Variants in RHOBTB3 observed in about 807,000 individuals in gnomAD.
RHOBTB3 encodes Rho related BTB domain containing 3.
A neutral mutation model predicts 67.2 loss-of-function variants in RHOBTB3; 47 were observed. The observed-to-expected ratio is 0.70, with a 90% CI of 0.55 to 0.89. The LOEUF (loss-of-function observed/expected upper bound fraction) is 0.89, where lower values mean the gene tolerates loss of function less well. Ranked by LOEUF, RHOBTB3 falls within the 40% of genes least tolerant of loss-of-function variation. RHOBTB3 has a pLI of 0.00. For synonymous variants in RHOBTB3, 273 were observed against 274.2 expected (o/e 1.00, Z 0.04); for missense variants, 631 against 750.0 (o/e 0.84, Z 1.85).
rs2112766175 is a variant in RHOBTB3, at chr5:95,731,541, C to T, written c.-142C>T. The T allele has an allele frequency of 4.2e-6, 6 of 1,414,230 alleles. No individual in the cohort carries two copies. Among genetic ancestry groups the T allele is most frequent in the South Asian group, 3.1e-5 (2 of 64,708 alleles). The allele number at this position is 1,414,230 out of a possible 1,614,324, so 87.6% of individuals were successfully genotyped here. A position where few individuals can be genotyped will look rare whatever the true frequency, so the allele number is the denominator to read the frequency against. The stretch of plus-strand genomic sequence containing the variant: ...GCGCGGCCCCGGCCCCGCTCTGCGT[C>T]GGCCCCGCCGCGGTGGAGGCGCGCG... On this transcript the variant is annotated 5_prime_UTR_variant, in exon 1 of 12. Transcript: ENST00000379982.
chr5:95,766,429 C>A (rs1321889615), intron 7 of RHOBTB3, among the ~76,000 whole-genome samples: 2 of 151,746 alleles, frequency 1.3e-5, no homozygotes, highest in Non-Finnish European at 2.9e-5. Flanking sequence ...CAATAAAAAT[C>A]ATAACTAAGT....
Position 95,768,038 on chromosome 5 carries a change from C to T in RHOBTB3, c.1162-8C>T, listed in dbSNP as rs370930103. The T allele has an allele frequency of 4.3e-6, 7 of 1,611,630 alleles. No individual in the cohort carries two copies. The African/African-American group carries it at 9.4e-5, about 22-fold the overall frequency. ...AACCTTTCCCTGTATTTTTGTTTTC[C>T]CTTATAGATTAATTGCCTAAGGAAT... On this transcript the variant is annotated splice_polypyrimidine_tract_variant and splice_region_variant and intron_variant, in intron 7 of 11. Coordinates refer to ENST00000379982, the MANE Select transcript of RHOBTB3 (RefSeq NM_014899.4).
chr5:95,753,775 C>A (rs938474926), intron 5 of RHOBTB3, among the ~76,000 whole-genome samples: 3 of 152,112 alleles, frequency 2.0e-5, no homozygotes, highest in African/African-American at 7.2e-5. Context: ...TATACCAGAT[C>A]CTCAGAGAAA....
In RHOBTB3 at chr5:95,755,739, C is replaced by T. The variant is rs773493852; in HGVS notation, c.1026C>T (p.Asp342=). ...CCCTCTTCTGTTCTTGTTTATCAGA[C>T]ATCCTTCGCTTCATTTATTCAGGTA... ...KDALFCSCLS[D]ILRFIYSGAF... Residue 342 remains aspartate, a synonymous_variant, in exon 6 of 12, where the codon GAC becomes GAT. Coordinates refer to ENST00000379982, the MANE Select transcript of RHOBTB3 (RefSeq NM_014899.4). 1.2e-6 allele frequency: 2 copies of T among 1,613,738 alleles called. No homozygotes were observed. The highest frequency in any genetic ancestry group is 4.5e-5 in the East Asian group (2 of 44,880).
intron 11 of RHOBTB3, among the ~76,000 whole-genome samples, chr5:95,790,376 C>G (rs1746346246): frequency 6.6e-6 from 1 of 152,160 alleles, no homozygotes; most frequent in Non-Finnish European, 1.5e-5. Flanking sequence ...ATTATGTTAC[C>G]TGAGGTCACT....
intron 8 of RHOBTB3, chr5:95,770,541 T>C (rs1323772985): frequency 2.6e-6 from 1 of 381,928 alleles, no homozygotes. Context: ...TTTGTGAATA[T>C]GGTGGAAGAG....
At chr5:95,792,971 A>G in intron 11 of RHOBTB3, 88 bp from the exon 12 acceptor site, 1 of 859,970 alleles carries the variant, frequency 1.2e-6, no homozygotes, top group Admixed American at 2.2e-5. Flanking sequence ...GCTGGATCTC[A>G]TCTATTAAAG....
intron 1 of RHOBTB3, 87 bp downstream of exon 1, chr5:95,731,771 C>A (rs1197999624): frequency 1.9e-6 from 3 of 1,603,976 alleles, no homozygotes; most frequent in Middle Eastern, 1.6e-4. Context: ...ATCCTCGCCG[C>A]GCGCTGTCCC....
At chr5:95,728,635 T>C (rs1038007093), upstream of RHOBTB3, among the ~76,000 whole-genome samples, 8 of 152,220 alleles carry the variant, frequency 5.3e-5, no homozygotes, top group Non-Finnish European at 1.0e-4. Context: ...TTGAGTGTGC[T>C]AATATTCACA....
At chr5:95,780,961 T>A (rs904594391) in intron 9 of RHOBTB3, among the ~76,000 whole-genome samples, 4 of 152,166 alleles carry the variant, frequency 2.6e-5, no homozygotes, top group African/African-American at 9.7e-5. Flanking sequence ...CAAACTGACT[T>A]CTCTGAAAAC....
At chr5:95,731,281 C>T (rs1456545467), upstream of RHOBTB3, 6 of 1,020,696 alleles carry the variant, frequency 5.9e-6, no homozygotes, top group Non-Finnish European at 7.0e-6. Flanking sequence ...GGCGGAGGCC[C>T]CGATCTCCCC....
intron 10 of RHOBTB3, 30 bp downstream of exon 10, chr5:95,783,993 G>C (rs1561456553): frequency 6.7e-7 from 1 of 1,499,824 alleles, no homozygotes; most frequent in South Asian, 1.3e-5. Context: ...TGATAGCCTA[G>C]TTTTTTATAA....
At chr5:95,774,456 C>T (rs1580422055) in intron 8 of RHOBTB3, among the ~76,000 whole-genome samples, 1 of 152,122 alleles carries the variant, frequency 6.6e-6, no homozygotes, top group African/African-American at 2.4e-5. Flanking sequence ...TTTTTAATGT[C>T]ATTATATGGC....
chr5:95,738,699 G>A (rs1755517479), intron 3 of RHOBTB3, among the ~76,000 whole-genome samples: 1 of 152,106 alleles, frequency 6.6e-6, no homozygotes, highest in African/African-American at 2.4e-5. Context: ...CCAGAACTGT[G>A]AGAAATAAAT....
chr5:95,792,242 C>T (rs1472942992), intron 11 of RHOBTB3, among the ~76,000 whole-genome samples: 4 of 152,092 alleles, frequency 2.6e-5, no homozygotes, highest in Non-Finnish European at 5.9e-5. Context: ...AAAAACTTAT[C>T]CGGGCGTGGT....
At chr5:95,747,723 A>G (rs1744962123) in intron 3 of RHOBTB3, among the ~76,000 whole-genome samples, 1 of 152,160 alleles carries the variant, frequency 6.6e-6, no homozygotes, top group African/African-American at 2.4e-5. Flanking sequence ...TTAAAGAAAA[A>G]GATAAAGAAT....
At chr5:95,732,249 A>G (rs986224453) in intron 2 of RHOBTB3, 165 bp downstream of exon 2, 2 of 678,924 alleles carry the variant, frequency 2.9e-6, no homozygotes, top group Non-Finnish European at 5.2e-6. Context: ...TTCACTGGGC[A>G]GGGAACAGCC....
At chr5:95,726,105 A>C (rs369015136), upstream of RHOBTB3, among the ~76,000 whole-genome samples, 5 of 152,386 alleles carry the variant, frequency 3.3e-5, no homozygotes, top group East Asian at 7.7e-4. Flanking sequence ...CTGTGCTTTC[A>C]GTTTAACCTT....
rs927019544 is a variant in RHOBTB3 at position 95,731,539 on chromosome 5, G to A, written c.-144G>A. The stretch of plus-strand genomic sequence containing the variant: ...TGGCGCGGCCCCGGCCCCGCTCTGC[G>A]TCGGCCCCGCCGCGGTGGAGGCGCG... On this transcript the variant is annotated 5_prime_UTR_variant, in exon 1 of 12. Transcript: ENST00000379982. The A allele has an allele frequency of 2.1e-5, 29 of 1,411,422 alleles. No individual in the cohort carries two copies. In the African/African-American group the frequency reaches 3.8e-4, roughly 18 times the overall value. The allele number at this position is 1,411,422 out of a possible 1,614,324, so 87.4% of individuals were successfully genotyped here.
Sources: allele counts gnomAD v4.1 joint callset (sites outside exome capture counted in the v4.1 genomes callset), GRCh38; gene constraint gnomAD v4.1.1; transcripts MANE v1.5; gene names NCBI Gene and HGNC (gene_info 2026-07-23, HGNC 2026-07-21).